PTPRD: variants seen among roughly 807,000 people sequenced by gnomAD.
PTPRD encodes receptor-type tyrosine-protein phosphatase delta.
A neutral mutation model predicts 214.5 loss-of-function variants in PTPRD; 34 were observed. The ratio of observed to expected loss-of-function variants is 0.16; its 90% CI spans 0.12 to 0.21. The LOEUF (loss-of-function observed/expected upper bound fraction) is 0.21, where lower values mean the gene tolerates loss of function less well. PTPRD is among the 10% of genes least tolerant of loss of function. The pLI is 1.00. For missense variants in PTPRD, 2,545 were observed against 2,398.7 expected, an observed-to-expected ratio of 1.06 and a Z score of -1.27; for synonymous variants, 1,128 against 845.7, an observed-to-expected ratio of 1.33 and a Z score of -5.79.
chr9:8,607,061 G>A (rs1052179488), intron 14 of PTPRD, among the ~76,000 whole-genome samples: 1 of 152,118 alleles, frequency 6.6e-6, no homozygotes, highest in African/African-American at 2.4e-5. Flanking sequence ...GGAAGACATT[G>A]GACAAAGGAT....
chr9:9,403,395 A>C (rs1342450315), intron 8 of PTPRD, among the ~76,000 whole-genome samples: 3 of 125,596 alleles, frequency 2.4e-5, no homozygotes, highest in Non-Finnish European at 4.9e-5. Context: ...TACATTTCTA[A>C]ATATTGTTAT....
At chr9:8,702,165 G>C (rs1256398282) in intron 12 of PTPRD, among the ~76,000 whole-genome samples, 1 of 151,694 alleles carries the variant, frequency 6.6e-6, no homozygotes, top group Non-Finnish European at 1.5e-5. Context: ...CGGTTGCTTG[G>C]ATTTTTCTGG....
intron 3 of PTPRD, among the ~76,000 whole-genome samples, chr9:10,115,045 G>GAA (rs5896372): frequency 6.9e-6 from 1 of 145,172 alleles, no homozygotes. Context: ...AAAAAAACGA[G>GAA]AAAAAAAAAA....
intron 10 of PTPRD, among the ~76,000 whole-genome samples, chr9:9,051,218 T>C (rs1001271929): frequency 3.9e-5 from 6 of 151,980 alleles, no homozygotes; most frequent in Non-Finnish European, 7.4e-5. Flanking sequence ...ATTACATCTG[T>C]CAATTAAAAA....
At chr9:10,049,446 A>AGAAAGAAAAG in intron 3 of PTPRD, among the ~76,000 whole-genome samples, 1 of 151,870 alleles carries the variant, frequency 6.6e-6, no homozygotes, top group Non-Finnish European at 1.5e-5. Flanking sequence ...AAAAGAAAAA[A>AGAAAGAAAAG]AAAAACCCTT....
At chr9:9,313,460 C>A (rs1960403596) in intron 9 of PTPRD, among the ~76,000 whole-genome samples, 1 of 152,110 alleles carries the variant, frequency 6.6e-6, no homozygotes, top group African/African-American at 2.4e-5. Flanking sequence ...GAACAAGAAA[C>A]TTGACCTCAG....
intron 44 of PTPRD, among the ~76,000 whole-genome samples, chr9:8,320,247 G>C (rs1165998338): frequency 6.6e-6 from 1 of 152,014 alleles, no homozygotes; most frequent in African/African-American, 2.4e-5. Context: ...CATAACAAAT[G>C]AAAAGAAAGG....
At chr9:10,514,433 AGTTT>A (rs2133933929) in intron 2 of PTPRD, among the ~76,000 whole-genome samples, 1 of 151,528 alleles carries the variant, frequency 6.6e-6, no homozygotes, top group South Asian at 2.1e-4. Context: ...TATACACCAT[AGTTT>A]GTTATAGACA....
chr9:10,484,848 C>G (rs533031738), intron 2 of PTPRD, among the ~76,000 whole-genome samples: 19 of 151,812 alleles, frequency 1.3e-4, no homozygotes, highest in Admixed American at 1.1e-3. Context: ...CTTTGCTGTG[C>G]AGAAGCTCTA....
chr9:9,811,068 T>C (rs913577443), intron 5 of PTPRD, among the ~76,000 whole-genome samples: 2 of 152,040 alleles, frequency 1.3e-5, no homozygotes, highest in East Asian at 1.9e-4. Flanking sequence ...TGAAACTCCA[T>C]CTGTACTAAA....
intron 11 of PTPRD, among the ~76,000 whole-genome samples, chr9:8,996,404 G>A (rs1186216774): frequency 6.6e-6 from 1 of 152,056 alleles, no homozygotes; most frequent in Non-Finnish European, 1.5e-5. Context: ...ACATTTATAT[G>A]ATGTTCTGGA....
At chr9:8,437,144 T>C (rs2095384668) in intron 34 of PTPRD, 4 of 1,249,058 alleles carry the variant, frequency 3.2e-6, no homozygotes, top group Non-Finnish European at 4.4e-6. Context: ...AGGGAAAGAG[T>C]AGTAGCTTGA....
chr9:10,168,576 A>G (rs1049352341), intron 3 of PTPRD, among the ~76,000 whole-genome samples: 6 of 152,208 alleles, frequency 3.9e-5, no homozygotes, highest in African/African-American at 1.2e-4. Flanking sequence ...CTTTCTCTGA[A>G]AATACCAAAG....
intron 10 of PTPRD, among the ~76,000 whole-genome samples, chr9:9,154,923 C>T (rs2099879938): frequency 6.6e-6 from 1 of 152,068 alleles, no homozygotes; most frequent in African/African-American, 2.4e-5. Context: ...CATGTAATTA[C>T]TTCTGAAAGA....
intron 10 of PTPRD, among the ~76,000 whole-genome samples, chr9:9,030,019 A>T (rs891776693): frequency 2.6e-5 from 4 of 151,950 alleles, no homozygotes; most frequent in Admixed American, 2.6e-4. Context: ...TTGAAAATGG[A>T]TGATCTACAA....
chr9:9,153,704 A>G (rs1434303492), intron 10 of PTPRD, among the ~76,000 whole-genome samples: 1 of 152,190 alleles, frequency 6.6e-6, no homozygotes, highest in African/African-American at 2.4e-5. Flanking sequence ...TTTGGTAAAT[A>G]GGTGGCAAAT....
intron 14 of PTPRD, among the ~76,000 whole-genome samples, chr9:8,578,335 T>C (rs895412132): frequency 6.6e-6 from 1 of 152,188 alleles, no homozygotes; most frequent in African/African-American, 2.4e-5. Context: ...AGGTATACTG[T>C]TGATCGAACA....
rs143007512 is a variant in PTPRD at position 8,751,834 on chromosome 9, G to A, written c.-103-17888C>T. Among the ~76,000 whole-genome samples the A allele has an allele frequency of 5.9e-5, 9 of 152,238 alleles. No individual in the cohort carries two copies. In the East Asian group the frequency reaches 1.4e-3, roughly 23 times the overall value. ...CTGTCTTAAAAATGCATTATAAAAC[G>A]AGACAGTTTGTTATATGGAGGGTGT... is the stretch of plus-strand genomic sequence containing the variant. On this transcript the variant is annotated intron_variant, in intron 11 of 45. Coordinates refer to ENST00000381196, the MANE Select transcript of PTPRD (RefSeq NM_002839.4).
At chr9:10,402,278 G>C (rs552987854) in intron 2 of PTPRD, among the ~76,000 whole-genome samples, 85 of 151,706 alleles carry the variant, frequency 5.6e-4, no homozygotes, top group African/African-American at 1.9e-3. Flanking sequence ...TTACAGAACT[G>C]ACAAAAATAT....
Sources: gnomAD v4.1 joint callset for allele counts (sites outside exome capture counted in the v4.1 genomes callset) on GRCh38, gnomAD v4.1.1 for gene constraint, MANE v1.5 for transcripts, NCBI Gene and HGNC (gene_info 2026-07-23, HGNC 2026-07-21) for gene names.